WDFY3: variants seen among roughly 807,000 people sequenced by gnomAD.
WDFY3 encodes WD repeat and FYVE domain-containing protein 3.
WDFY3 carries 66 observed loss-of-function variants against 409.6 expected under a neutral mutation model. The ratio of observed to expected loss-of-function variants is 0.16; its 90% CI spans 0.13 to 0.20. The LOEUF is 0.20. Among genes scored for constraint, WDFY3 ranks in the 10% least tolerant of loss-of-function variants. The probability of loss-of-function intolerance (pLI) is 1.00; values close to 1 mark genes in which losing one functional copy is unlikely to be tolerated. For synonymous variants in WDFY3, 1,521 were observed against 1,537.1 expected (o/e 0.99, Z 0.25); for missense variants, 3,031 against 4,298.1 (o/e 0.71, Z 8.24).
intron 1 of WDFY3, among the ~76,000 whole-genome samples, chr4:84,943,379 C>T (rs1047422861): frequency 5.9e-5 from 9 of 151,968 alleles, no homozygotes; most frequent in Non-Finnish European, 1.2e-4. Context: ...TGGTGGGCAC[C>T]TGTAGTCCCA....
At chr4:84,717,249 T>A (rs763006929) in intron 48 of WDFY3, among the ~76,000 whole-genome samples, 8 of 152,182 alleles carry the variant, frequency 5.3e-5, no homozygotes, top group Non-Finnish European at 1.0e-4. Flanking sequence ...AGGACCAAGT[T>A]ATCTACCAGA....
At chr4:84,818,365 C>A (rs906057602) in intron 12 of WDFY3, among the ~76,000 whole-genome samples, 1 of 151,984 alleles carries the variant, frequency 6.6e-6, no homozygotes, top group African/African-American at 2.4e-5. Flanking sequence ...TTCTTCTATC[C>A]CTTACGTTTT....
Position 84,679,036 on chromosome 4 carries a change from C to G in WDFY3, c.10030G>C (p.Asp3344His). ...GAATAGTTCACAAATATGAAGCCGT[C>G]TTTCTCATCTAGACTGAGCTGGTCG... The part of the protein sequence containing the change: ...WSDQLSLDEK[D>H]GFIFVNYSEG... The change falls in exon 65 of 68, where the codon GAC becomes CAC. Residue 3344 changes from aspartate (D) to histidine (H), a missense_variant. By Grantham distance (81) the Asp-to-His change is moderately conservative. Coordinates refer to ENST00000295888, the MANE Select transcript of WDFY3 (RefSeq NM_014991.6). 1 of 1,614,258 alleles carries G rather than the reference C, an allele frequency of 6.2e-7. No individual in the cohort carries two copies. Among genetic ancestry groups the G allele is most frequent in the Non-Finnish European group, 8.5e-7 (1 of 1,180,052 alleles).
chr4:84,732,814 A>C (rs1736822138), intron 44 of WDFY3, among the ~76,000 whole-genome samples: 1 of 152,146 alleles, frequency 6.6e-6, no homozygotes, highest in African/African-American at 2.4e-5. Context: ...GCTCTATATT[A>C]GCATCAGGAC....
chr4:84,753,065 TG>T (rs1740815575), intron 35 of WDFY3, among the ~76,000 whole-genome samples: 1 of 152,214 alleles, frequency 6.6e-6, no homozygotes, highest in Non-Finnish European at 1.5e-5. Flanking sequence ...TCTGCAAAAA[TG>T]TGCTTCAGTG....
chr4:84,794,947 T>C lies in WDFY3; in HGVS notation c.3200A>G (p.Asn1067Ser). The stretch of plus-strand genomic sequence containing the variant: ...TGTGACGGTATTATTTGTAGGAGCA[T>C]TATGAGGGGCCAAACTGGGCAAAAA... ...CLFLPSLAPH[N>S]APTNNTVTTG... The change falls in exon 20 of 68, where the codon AAT becomes AGT. Residue 1067 changes from asparagine to serine, a missense_variant. Asn to Ser is a conservative substitution (Grantham distance 46). Coordinates refer to ENST00000295888, the MANE Select transcript of WDFY3 (RefSeq NM_014991.6). 1.3e-6 allele frequency: 2 copies of C among 1,572,990 alleles called. No individual in the cohort carries two copies. Among genetic ancestry groups the C allele is most frequent in the Non-Finnish European group, 1.7e-6 (2 of 1,163,908 alleles).
At chr4:84,906,843 C>A (rs1003022200) in intron 2 of WDFY3, among the ~76,000 whole-genome samples, 1 of 149,176 alleles carries the variant, frequency 6.7e-6, no homozygotes, top group Non-Finnish European at 1.5e-5. Flanking sequence ...CAAGACAATT[C>A]TTCTTCTCCC....
intron 1 of WDFY3, among the ~76,000 whole-genome samples, chr4:84,949,378 T>C (rs1773313268): frequency 6.6e-6 from 1 of 152,192 alleles, no homozygotes; most frequent in South Asian, 2.1e-4. Context: ...CCAAATTTAT[T>C]TTTCAATCAC....
chr4:84,965,656 C>T lies in WDFY3; in HGVS notation c.-226+553G>A, dbSNP rs573249487. On this transcript the variant is annotated intron_variant, in intron 1 of 67. Transcript: ENST00000295888. ...GAGCATCTCTGGCTCCTTCCATAAT[C>T]GAAGGGCTTCCAGCGTAGGGCGTAG... 17 of 152,364 alleles carry T rather than the reference C, an allele frequency of 1.1e-4. No homozygotes were observed. The East Asian group carries it at 2.9e-3, about 26-fold the overall frequency. The allele number at this position is 152,364 out of a possible 1,614,324, so 9.4% of individuals were successfully genotyped here. A position where few individuals can be genotyped will look rare whatever the true frequency, so the allele number is the denominator to read the frequency against.
At chr4:84,770,203 G>A (rs1239126801) in intron 30 of WDFY3, among the ~76,000 whole-genome samples, 1 of 151,506 alleles carries the variant, frequency 6.6e-6, no homozygotes, top group East Asian at 2.0e-4. Flanking sequence ...TAATTTTTTT[G>A]TATTTTTAGT....
chr4:84,852,104 A>G (rs1341133059), intron 4 of WDFY3, among the ~76,000 whole-genome samples: 1 of 152,196 alleles, frequency 6.6e-6, no homozygotes, highest in Non-Finnish European at 1.5e-5. Context: ...GGCCAACCCC[A>G]TAACTTTTGC....
intron 2 of WDFY3, among the ~76,000 whole-genome samples, chr4:84,913,146 C>T (rs556981953): frequency 6.6e-6 from 1 of 152,300 alleles, no homozygotes; most frequent in East Asian, 1.9e-4. Flanking sequence ...TGAACCCAAA[C>T]ACAACATCTC....
At chr4:84,716,356 G>A (rs1460197396) in intron 49 of WDFY3, among the ~76,000 whole-genome samples, 1 of 150,452 alleles carries the variant, frequency 6.6e-6, no homozygotes, top group Non-Finnish European at 1.5e-5. Context: ...GGAGAATGGT[G>A]TGAACCAGGG....
At chr4:84,718,614 A>G (rs1734347206) in intron 47 of WDFY3, 44 bp from the exon 48 acceptor site, 1 of 1,585,282 alleles carries the variant, frequency 6.3e-7, no homozygotes, top group Admixed American at 1.9e-5. Context: ...GGCTTTTTGT[A>G]AAGATCAATT....
chr4:84,868,128 T>TGC (rs1560963036), intron 3 of WDFY3, among the ~76,000 whole-genome samples: 2 of 116,928 alleles, frequency 1.7e-5, no homozygotes, highest in Non-Finnish European at 3.2e-5. Context: ...GCCGAGATCA[T>TGC]GCCACTGCAC....
At chr4:84,786,522 C>T (rs948346751) in intron 23 of WDFY3, among the ~76,000 whole-genome samples, 2 of 152,148 alleles carry the variant, frequency 1.3e-5, no homozygotes, top group African/African-American at 2.4e-5. Flanking sequence ...CCTAAAAAAG[C>T]ACTCAGATAT....
intron 33 of WDFY3, 92 bp from the exon 34 acceptor site, chr4:84,755,492 T>A: frequency 7.0e-7 from 1 of 1,427,322 alleles, no homozygotes; most frequent in Non-Finnish European, 9.3e-7. Context: ...TCTTTGAAAC[T>A]AGTTTTTTGT....
chr4:84,889,142 C>T (rs528196204), intron 3 of WDFY3, among the ~76,000 whole-genome samples: 1 of 152,208 alleles, frequency 6.6e-6, no homozygotes, highest in East Asian at 1.9e-4. Context: ...CCTGATTTAT[C>T]GTATTCTACT....
At chr4:84,793,076 CTT>C (rs1185600739) in intron 21 of WDFY3, among the ~76,000 whole-genome samples, 1 of 152,272 alleles carries the variant, frequency 6.6e-6, no homozygotes, top group East Asian at 1.9e-4. Context: ...TACAGTAAGA[CTT>C]AGTAGAAAGG....
Sources: allele counts gnomAD v4.1 joint callset (sites outside exome capture counted in the v4.1 genomes callset), GRCh38; gene constraint gnomAD v4.1.1; transcripts MANE v1.5; gene names NCBI Gene and HGNC (gene_info 2026-07-23, HGNC 2026-07-21).